Variants in SPEN observed in about 807,000 individuals in gnomAD.
SPEN encodes the protein spen family transcriptional repressor.
SPEN carries 18 observed loss-of-function variants against 269.9 expected under a neutral mutation model. That is an observed-to-expected ratio of 0.07 (90% CI 0.05 to 0.10). The LOEUF is 0.10. SPEN is among the 10% of genes least tolerant of loss of function. SPEN has a pLI of 1.00. For synonymous variants in SPEN, 1,726 were observed against 1,765.7 expected (o/e 0.98, Z 0.56); for missense variants, 3,822 against 4,631.2 (o/e 0.83, Z 5.07).
chr1:15,898,173 T>TTGTGTGTGTGTGTGTGTG (rs58297957), intron 3 of SPEN, among the ~76,000 whole-genome samples: 3 of 147,386 alleles, frequency 2.0e-5, no homozygotes, highest in African/African-American at 2.5e-5. Flanking sequence ...TAATTTATCT[T>TTGTGTGTGTGTGTGTGTG]TGTGTGTGTG....
chr1:15,858,597 T>A (rs2070410097), intron 1 of SPEN, among the ~76,000 whole-genome samples: 1 of 152,220 alleles, frequency 6.6e-6, no homozygotes, highest in African/African-American at 2.4e-5. Flanking sequence ...AATGTATCCC[T>A]GTTCTTAAGT....
At position 15,872,924 on chromosome 1, in the gene SPEN, C is replaced by T; in HGVS notation, c.192C>T (p.Asn64=). The change falls in exon 2 of 15, where the codon AAC becomes AAT. Residue 64 remains asparagine (N), a synonymous_variant. Coordinates refer to ENST00000375759, the MANE Select transcript of SPEN (RefSeq NM_015001.3). ...VDIKSAQKAH[N]SVNKMGDRDL... is the part of the protein sequence containing the mutation. The stretch of plus-strand genomic sequence containing the variant: ...TCAAAAGTGCACAGAAAGCTCACAA[C>T]TCGGTCAACAAAATGGGTGACAGAG... The T allele has an allele frequency of 6.2e-7, 1 of 1,606,458 alleles. No individual in the cohort carries two copies. Among genetic ancestry groups the T allele is most frequent in the Non-Finnish European group, 8.5e-7 (1 of 1,173,666 alleles).
Position 15,936,072 on chromosome 1 carries a change from C to T in SPEN, c.9832C>T (p.Leu3278Phe), listed in dbSNP as rs776996278. 5.6e-6 allele frequency: 9 copies of T among 1,597,450 alleles called. No individual in the cohort carries two copies. Among genetic ancestry groups the T allele is most frequent in the South Asian group, 3.3e-5 (3 of 89,572 alleles). The stretch of plus-strand genomic sequence containing the variant: ...CCTCACAGTTACCCCCAGTAACCAA[C>T]TCCAGGGGCTGCCTCTGACCCCTCC... ...RILTVTPSNQ[L>F]QGLPLTPPVV... is the part of the protein sequence containing the mutation. The change falls in exon 11 of 15, where the codon CTC (leucine) becomes TTC (phenylalanine). Residue 3278 changes from leucine to phenylalanine, a missense_variant. By Grantham distance (22) the Leu-to-Phe change is conservative. Coordinates refer to ENST00000375759, the MANE Select transcript of SPEN (RefSeq NM_015001.3).
chr1:15,892,145 C>G (rs1045487883), intron 3 of SPEN, among the ~76,000 whole-genome samples: 2 of 151,178 alleles, frequency 1.3e-5, no homozygotes, highest in African/African-American at 4.9e-5. Context: ...CTCAGCCTCC[C>G]GAGTAGCTGG....
At position 15,940,232 on chromosome 1, in the gene SPEN, A is replaced by G. The variant is rs1259970365; in HGVS notation, c.*805A>G. 8.6e-6 allele frequency: 2 copies of G among 232,490 alleles called. No homozygotes were observed. Among genetic ancestry groups the G allele is most frequent in the Non-Finnish European group, 1.7e-5 (2 of 117,536 alleles). The allele number at this position is 232,490 out of a possible 1,614,324, so 14.4% of individuals were successfully genotyped here. ...TTCATATTCAGACTTTGTATTGCCC[A>G]CTCATTTGTATAAGTGCGCTTCGGT... is the stretch of plus-strand genomic sequence containing the variant. On this transcript the variant is annotated 3_prime_UTR_variant, in exon 15 of 15. Transcript: ENST00000375759.
chr1:15,874,406 C>T (rs1219671236), intron 2 of SPEN: 8 of 1,355,902 alleles, frequency 5.9e-6, no homozygotes, highest in Non-Finnish European at 7.9e-6. Flanking sequence ...GTTGGTATGT[C>T]CTGACCTGTG....
intron 2 of SPEN, chr1:15,873,613 A>G (rs1371336778): frequency 1.0e-6 from 1 of 994,090 alleles, no homozygotes; most frequent in African/African-American, 1.7e-5. Context: ...TGTAACAAAA[A>G]ATCTGGCAGA....
At chr1:15,873,373 C>T (rs545335488) in intron 2 of SPEN, 2 of 1,215,114 alleles carry the variant, frequency 1.6e-6, no homozygotes, top group Middle Eastern at 3.3e-4. Flanking sequence ...TGGAAGATTT[C>T]CTATGGAAGC....
intron 3 of SPEN, among the ~76,000 whole-genome samples, chr1:15,905,193 CATTTTT>C (rs1036979680): frequency 2.1e-4 from 31 of 149,896 alleles, no homozygotes; most frequent in African/African-American, 4.9e-4. Context: ...CAGCCATCTC[CATTTTT>C]ATTTTTATTT....
rs1189803116 is a variant in SPEN, at chr1:15,929,238, C to T, written c.2998C>T (p.Pro1000Ser). The change falls in exon 11 of 15, where the codon CCA becomes TCA. Residue 1000 changes from proline to serine, a missense_variant. Pro to Ser is a moderately conservative substitution (Grantham distance 74, BLOSUM62 -1). This residue lies in a region of SPEN where 572 missense variants were observed against 582.6 expected (regional missense o/e 0.98). Coordinates refer to ENST00000375759, the MANE Select transcript of SPEN (RefSeq NM_015001.3). The surrounding 1 kb of genome is among the most constrained non-coding windows in gnomAD (Gnocchi z 5.8). ...DSNLKAEKQK[P>S]EVKKSSPEME... ...CAATTTAAAAGCAGAAAAGCAAAAA[C>T]CAGAGGTCAAGAAAAGCAGTCCAGA... The T allele has an allele frequency of 2.5e-6, 4 of 1,613,966 alleles. No individual in the cohort carries two copies. The highest frequency in any genetic ancestry group is 2.7e-5 in the African/African-American group (2 of 74,896).
rs539910371 is a variant in SPEN at position 15,933,955 on chromosome 1, C to T, written c.7715C>T (p.Pro2572Leu). Residue 2572 changes from proline to leucine, a missense_variant, in exon 11 of 15, where the codon CCG becomes CTG. Physicochemically the swap from Pro to Leu is moderately conservative, Grantham distance 98. Transcript: ENST00000375759. The surrounding 1 kb of genome is among the most constrained non-coding windows in gnomAD (Gnocchi z 5.7). ...GCTGCCCCTTGCCTACATGAGGCCC[C>T]GCCCCCGCCAGTTGACTCTAAAAAG... ...VSAAPCLHEA[P>L]PPPVDSKKPL... The T allele has an allele frequency of 1.9e-5, 31 of 1,613,924 alleles. No homozygotes were observed. Among genetic ancestry groups the T allele is most frequent in the Middle Eastern group, 1.6e-4 (1 of 6,062 alleles).
At chr1:15,905,207 T>G (rs1427199687) in intron 3 of SPEN, among the ~76,000 whole-genome samples, 2 of 150,178 alleles carry the variant, frequency 1.3e-5, no homozygotes, top group East Asian at 3.9e-4. Context: ...TTTATTTTTA[T>G]TTTTATTTTT....
chr1:15,897,230 C>T, intron 3 of SPEN, among the ~76,000 whole-genome samples: 1 of 152,020 alleles, frequency 6.6e-6, no homozygotes, highest in East Asian at 1.9e-4. Context: ...CGCTTTGTCG[C>T]CCAGGCTGGA....
chr1:15,933,916 C>G lies in SPEN; in HGVS notation c.7676C>G (p.Ala2559Gly). The G allele has an allele frequency of 6.2e-7, 1 of 1,614,054 alleles. No individual in the cohort carries two copies. Among genetic ancestry groups the G allele is most frequent in the Non-Finnish European group, 8.5e-7 (1 of 1,180,020 alleles). ...TCCACAAGTGTCACCACAGCCATTG[C>G]AGAGCCTGTCAGTGCTGCCCCTTGC... ...VTSTSVTTAI[A>G]EPVSAAPCLH... is the part of the protein sequence containing the mutation. The change falls in exon 11 of 15, where the codon GCA becomes GGA. Residue 2559 changes from alanine (A) to glycine (G), a missense_variant. Around this residue, in one of 16 missense-constraint regions of SPEN, gnomAD observed 727 missense variants for 737.9 expected, o/e 0.99. Coordinates refer to ENST00000375759, the MANE Select transcript of SPEN (RefSeq NM_015001.3). This position sits in a 1 kb window ranked among gnomAD's most constrained non-coding sequence, Gnocchi z 5.7.
intron 1 of SPEN, among the ~76,000 whole-genome samples, chr1:15,852,530 G>A (rs1444286452): frequency 6.6e-6 from 1 of 152,008 alleles, no homozygotes; most frequent in African/African-American, 2.4e-5. Context: ...CAAAAGGAAC[G>A]CCCCTGGCAG....
At chr1:15,872,008 G>T (rs906951812) in intron 1 of SPEN, among the ~76,000 whole-genome samples, 2 of 151,934 alleles carry the variant, frequency 1.3e-5, no homozygotes, top group African/African-American at 4.8e-5. Context: ...GCCAAGGCAG[G>T]CAGATCACCT....
chr1:15,851,266 A>G (rs542927763), intron 1 of SPEN, among the ~76,000 whole-genome samples: 24 of 152,348 alleles, frequency 1.6e-4, no homozygotes, highest in Non-Finnish European at 2.9e-4. Flanking sequence ...CAGAACATTT[A>G]CAAAAATTGG....
In SPEN at chr1:15,934,200, C is replaced by A. The variant is rs1460179252; in HGVS notation, c.7960C>A (p.Leu2654Ile). 1 of 1,614,258 alleles carries A rather than the reference C, an allele frequency of 6.2e-7. No individual in the cohort carries two copies. Reference sequence around the variant, plus strand: ...AACCCTCACTGGTCTGGTGAGCGCACTCACTGGCCTGGTGAACGTCTCCCT... The same window carrying A: ...AACCCTCACTGGTCTGGTGAGCGCAATCACTGGCCTGGTGAACGTCTCCCT... ...PQTLTGLVSA[L>I]TGLVNVSLVP... Residue 2654 changes from leucine to isoleucine, a missense_variant, in exon 11 of 15, where the codon CTC becomes ATC. By Grantham distance (5) the Leu-to-Ile change is conservative. Coordinates refer to ENST00000375759, the MANE Select transcript of SPEN (RefSeq NM_015001.3). This position sits in a 1 kb window ranked among gnomAD's most constrained non-coding sequence, Gnocchi z 9.2.
intron 3 of SPEN, 26 bp downstream of exon 3, chr1:15,876,704 C>A: frequency 6.5e-7 from 1 of 1,526,842 alleles, no homozygotes. Flanking sequence ...TTTGTTATAA[C>A]AGATGAGCTA....
Sources: gnomAD v4.1 joint callset for allele counts (sites outside exome capture counted in the v4.1 genomes callset) on GRCh38, gnomAD v4.1.1 for gene constraint, gnomAD v4.1.1 regional missense constraint, Gnocchi (gnomAD v3.1) non-coding constraint, MANE v1.5 for transcripts, NCBI Gene and HGNC (gene_info 2026-07-23, HGNC 2026-07-21) for gene names.